The following ARMC8 variants were observed in gnomAD, a reference collection of about 807,000 sequenced individuals.
ARMC8 encodes armadillo repeat containing 8, also known as armadillo repeat-containing protein 8.
Under a neutral mutation model 99.3 loss-of-function variants are expected in ARMC8, and 20 were observed. That is an observed-to-expected ratio of 0.20 (90% CI 0.14 to 0.29). The LOEUF is 0.29. ARMC8 is among the 10% of genes least tolerant of loss of function. The pLI is 1.00. For synonymous variants in ARMC8, 263 were observed against 278.3 expected, an observed-to-expected ratio of 0.95 and a Z score of 0.55; for missense variants, 569 against 809.5, an observed-to-expected ratio of 0.70 and a Z score of 3.60.
chr3:138,281,057 A>G (rs1285161037), intron 18 of ARMC8, among the ~76,000 whole-genome samples: 5 of 152,228 alleles, frequency 3.3e-5, no homozygotes, highest in South Asian at 2.1e-4. Flanking sequence ...TATAGACAAT[A>G]CATAAGCAAG....
chr3:138,253,546 A>G (rs572434259), intron 12 of ARMC8, among the ~76,000 whole-genome samples: 5 of 152,338 alleles, frequency 3.3e-5, no homozygotes, highest in Admixed American at 2.0e-4. Context: ...ACTGAAGAGT[A>G]TATGATTAGC....
intron 15 of ARMC8, among the ~76,000 whole-genome samples, chr3:138,268,840 G>C (rs1371952834): frequency 6.6e-6 from 1 of 151,976 alleles, no homozygotes; most frequent in Non-Finnish European, 1.5e-5. Flanking sequence ...TGCTATAAGA[G>C]CATTTTTTTT....
chr3:138,218,995 T>C (rs2045242165), intron 2 of ARMC8, among the ~76,000 whole-genome samples: 2 of 152,204 alleles, frequency 1.3e-5, no homozygotes, highest in Admixed American at 1.3e-4. Context: ...CATTGGTTCG[T>C]TGTCAATGTC....
In ARMC8 at chr3:138,262,227, G is replaced by A. The variant is rs548167578; in HGVS notation, c.1135-1512G>A. 9 of 242,814 alleles carry A rather than the reference G, an allele frequency of 3.7e-5. No individual in the cohort carries two copies. In the South Asian group the frequency reaches 7.0e-4, roughly 19 times the overall value. The allele number at this position is 242,814 out of a possible 1,614,324, so 15.0% of individuals were successfully genotyped here. Reference sequence around the variant, plus strand: ...GAGTCACAAAGAGTAGGTAGACTGAGAAAGGGAGGAATTTAGGGGCTAGAG... The same window carrying A: ...GAGTCACAAAGAGTAGGTAGACTGAAAAAGGGAGGAATTTAGGGGCTAGAG... On this transcript the variant is annotated intron_variant, in intron 12 of 21. Transcript: ENST00000469044.
intron 1 of ARMC8, among the ~76,000 whole-genome samples, chr3:138,208,613 A>G (rs2044521726): frequency 6.6e-6 from 1 of 152,180 alleles, no homozygotes; most frequent in Non-Finnish European, 1.5e-5. Flanking sequence ...ACTGATTTGG[A>G]GTTCTGAGTA....
chr3:138,246,091 A>AT (rs2046867683), intron 12 of ARMC8: 2 of 985,378 alleles, frequency 2.0e-6, no homozygotes, highest in Non-Finnish European at 2.4e-6. Context: ...GTTTACCATG[A>AT]TTCAGAGAAG....
intron 18 of ARMC8, among the ~76,000 whole-genome samples, chr3:138,279,457 G>T (rs2049652971): frequency 6.6e-6 from 1 of 152,008 alleles, no homozygotes; most frequent in African/African-American, 2.4e-5. Context: ...CTGAAATTTG[G>T]TAAGGAGTGT....
chr3:138,290,065 T>C (rs1033045027), intron 20 of ARMC8, among the ~76,000 whole-genome samples: 3 of 152,068 alleles, frequency 2.0e-5, no homozygotes, highest in South Asian at 2.1e-4. Context: ...CAGAATGATA[T>C]GAAATTGGAA....
chr3:138,285,077 A>C (rs1012135935), intron 19 of ARMC8, among the ~76,000 whole-genome samples: 1 of 152,166 alleles, frequency 6.6e-6, no homozygotes, highest in African/African-American at 2.4e-5. Flanking sequence ...TGTCACACCT[A>C]TCTGTCTTCT....
rs1480555007 is a variant in ARMC8, at chr3:138,265,350, A to C, written c.1299+1138A>C. 4.6e-5 allele frequency among the ~76,000 whole-genome samples: 7 copies of C among 152,338 alleles called. No individual in the cohort carries two copies. The East Asian group carries it at 1.3e-3, about 29-fold the overall frequency. ...TAATAATGTTATCCCCTGATACACT[A>C]CAAAACTTGGTCTTTGGTCTATCAT... On this transcript the variant is annotated intron_variant, in intron 14 of 21. Coordinates refer to ENST00000469044, the MANE Select transcript of ARMC8 (RefSeq NM_001363941.2).
chr3:138,201,232 GC>G (rs1323364113), intron 1 of ARMC8, among the ~76,000 whole-genome samples: 1 of 137,746 alleles, frequency 7.3e-6, no homozygotes, highest in African/African-American at 2.7e-5. Flanking sequence ...AATGTTAGTT[GC>G]CTAGAATAGT....
chr3:138,187,958 C>G, intron 1 of ARMC8: 1 of 332,498 alleles, frequency 3.0e-6, no homozygotes, highest in Non-Finnish European at 5.6e-6. Flanking sequence ...GCCGAACGCT[C>G]TGCCTTGTGA....
intron 5 of ARMC8, among the ~76,000 whole-genome samples, chr3:138,227,435 C>T (rs998446402): frequency 6.6e-6 from 1 of 152,184 alleles, no homozygotes; most frequent in African/African-American, 2.4e-5. Context: ...TCCCCTTCCC[C>T]GACTTGACAT....
intron 1 of ARMC8, among the ~76,000 whole-genome samples, chr3:138,192,334 G>A (rs1185858817): frequency 2.1e-5 from 3 of 143,892 alleles, no homozygotes; most frequent in African/African-American, 5.3e-5. Flanking sequence ...CAGGAGTGCA[G>A]TGGTGTGATC....
rs117073394 is a variant in ARMC8, at chr3:138,216,293, A to G, written c.123-5633A>G. On this transcript the variant is annotated intron_variant, in intron 2 of 21. Coordinates refer to ENST00000469044, the MANE Select transcript of ARMC8 (RefSeq NM_001363941.2). Reference sequence around the variant, plus strand: ...TTTTTTCAGTTTATACATGTAGTTGATATTCAGTAAATGCCCAAGTTGATT... The same window carrying G: ...TTTTTTCAGTTTATACATGTAGTTGGTATTCAGTAAATGCCCAAGTTGATT... Among the ~76,000 whole-genome samples the G allele has an allele frequency of 1.6e-3, 240 of 152,282 alleles. 5 individuals are homozygous for G. In the East Asian group the frequency reaches 0.039, roughly 25 times the overall value.
chr3:138,232,039 C>T (rs1302049747), intron 6 of ARMC8, among the ~76,000 whole-genome samples: 5 of 122,250 alleles, frequency 4.1e-5, no homozygotes, highest in Admixed American at 1.1e-4. Context: ...GGCGCAATCT[C>T]GGCTCCCTGC....
intron 12 of ARMC8, among the ~76,000 whole-genome samples, chr3:138,259,575 TAGCAGG>T (rs1430269234): frequency 1.3e-5 from 2 of 152,182 alleles, no homozygotes; most frequent in Admixed American, 6.5e-5. Flanking sequence ...TCTAGAACCC[TAGCAGG>T]GTTACTGAAT....
At chr3:138,234,911 A>C (rs1483220493) in intron 6 of ARMC8, 123 bp from the exon 7 acceptor site, 1 of 723,864 alleles carries the variant, frequency 1.4e-6, no homozygotes, top group African/African-American at 1.8e-5. Context: ...GAGTTTATTT[A>C]AGCAAAGAGT....
At chr3:138,246,242 A>G (rs1160343215) in intron 12 of ARMC8, 2 of 985,656 alleles carry the variant, frequency 2.0e-6, no homozygotes, top group African/African-American at 3.5e-5. Context: ...AATCAATGCA[A>G]AAAGCACAAC....
Sources: gnomAD v4.1 joint callset for allele counts (sites outside exome capture counted in the v4.1 genomes callset) on GRCh38, gnomAD v4.1.1 for gene constraint, MANE v1.5 for transcripts, NCBI Gene and HGNC (gene_info 2026-07-23, HGNC 2026-07-21) for gene names.